The following SLC2A2 variants were observed in gnomAD, a reference collection of about 807,000 sequenced individuals.
The protein encoded by SLC2A2 is solute carrier family 2 member 2, also known as solute carrier family 2, facilitated glucose transporter member 2.
In SLC2A2, 36 loss-of-function variants were observed where a neutral mutation model predicts 54.5. The observed-to-expected ratio is 0.66, with a 90% CI of 0.51 to 0.87. The LOEUF (loss-of-function observed/expected upper bound fraction) is 0.87, where lower values mean the gene tolerates loss of function less well. Ranked by LOEUF, SLC2A2 falls within the 40% of genes least tolerant of loss-of-function variation. The pLI, the probability that SLC2A2 is intolerant of heterozygous loss-of-function variation, is 0.00. For missense variants in SLC2A2, 543 were observed against 624.3 expected (o/e 0.87, Z 1.39); for synonymous variants, 223 against 219.1 (o/e 1.02, Z -0.16).
At chr3:171,001,841 C>T (rs1715347475) in intron 8 of SLC2A2, among the ~76,000 whole-genome samples, 1 of 151,168 alleles carries the variant, frequency 6.6e-6, no homozygotes, top group African/African-American at 2.4e-5. Flanking sequence ...TATATAAGAA[C>T]CATCACTTCT....
At chr3:171,002,039 G>A (rs1321403013) in intron 8 of SLC2A2, among the ~76,000 whole-genome samples, 1 of 151,872 alleles carries the variant, frequency 6.6e-6, no homozygotes, top group Non-Finnish European at 1.5e-5. Flanking sequence ...CTACTTGGAA[G>A]CTCTGCTCAA....
At chr3:171,013,583 A>G (rs1424733479) in intron 3 of SLC2A2, among the ~76,000 whole-genome samples, 1 of 152,178 alleles carries the variant, frequency 6.6e-6, no homozygotes, top group Non-Finnish European at 1.5e-5. Context: ...TATAATAGGA[A>G]TTGAAAAACT....
intron 8 of SLC2A2, 147 bp downstream of exon 8, chr3:171,002,429 G>A: frequency 1.5e-6 from 1 of 681,852 alleles, no homozygotes. Flanking sequence ...ATTCAAACAG[G>A]ACTCTTCTCA....
intron 4 of SLC2A2, among the ~76,000 whole-genome samples, chr3:171,008,987 G>A (rs911300632): frequency 2.6e-5 from 4 of 151,998 alleles, no homozygotes; most frequent in African/African-American, 7.2e-5. Flanking sequence ...TTTTCTGTAG[G>A]TAAAAGTGTT....
chr3:171,014,641 G>C lies in SLC2A2; in HGVS notation c.199C>G (p.Leu67Val), dbSNP rs1716046696. The change falls in exon 3 of 11, where the codon CTG (leucine) becomes GTG (valine). Residue 67 changes from leucine to valine, a missense_variant. Leu to Val is a conservative substitution (Grantham distance 32, BLOSUM62 1). This residue lies in a region of SLC2A2 where 318 missense variants were observed against 343.8 expected (regional missense o/e 0.93). Transcript: ENST00000314251. The part of the protein sequence containing the change: ...NNYVINSTDE[L>V]PTISYSMNPK... Reference sequence around the variant, plus strand: ...TTCATTGAGTATGAGATTGTGGGCAGTTCATCTGTACTGTTGATAACATAG... The same window carrying C: ...TTCATTGAGTATGAGATTGTGGGCACTTCATCTGTACTGTTGATAACATAG... 1 of 1,613,930 alleles carries C rather than the reference G, an allele frequency of 6.2e-7. No individual in the cohort carries two copies. Among genetic ancestry groups the C allele is most frequent in the Non-Finnish European group, 8.5e-7 (1 of 1,179,932 alleles).
intron 2 of SLC2A2, 54 bp downstream of exon 2, chr3:171,018,477 T>C (rs1271975626): frequency 8.4e-7 from 1 of 1,185,902 alleles, no homozygotes; most frequent in East Asian, 2.3e-5. Flanking sequence ...GAACATATGA[T>C]ATCTATCACT....
intron 1 of SLC2A2, 120 bp from the exon 2 acceptor site, chr3:171,018,743 C>T (rs866389319): frequency 1.2e-5 from 9 of 722,674 alleles, no homozygotes; most frequent in African/African-American, 3.5e-5. Context: ...CCCTCAATAT[C>T]GATTTGCAGT....
chr3:171,016,105 G>T (rs891780637), intron 2 of SLC2A2, among the ~76,000 whole-genome samples: 1 of 152,120 alleles, frequency 6.6e-6, no homozygotes, highest in Non-Finnish European at 1.5e-5. Context: ...GGGAGGGGAA[G>T]AATTGAGCAT....
At chr3:171,011,920 T>A (rs987713628) in intron 3 of SLC2A2, among the ~76,000 whole-genome samples, 6 of 152,166 alleles carry the variant, frequency 3.9e-5, no homozygotes, top group Non-Finnish European at 8.8e-5. Flanking sequence ...AGGAACACTT[T>A]ATGTAATTTA....
intron 2 of SLC2A2, among the ~76,000 whole-genome samples, chr3:171,015,709 C>G (rs1716120412): frequency 1.3e-5 from 2 of 152,036 alleles, no homozygotes; most frequent in Admixed American, 6.6e-5. Context: ...AACTTCCTAG[C>G]CACCAGGGCA....
chr3:171,006,538 C>T (rs1377424894), intron 5 of SLC2A2, among the ~76,000 whole-genome samples: 2 of 151,960 alleles, frequency 1.3e-5, no homozygotes, highest in Admixed American at 6.6e-5. Context: ...TCTTATATTA[C>T]CCAGAACTTA....
At chr3:171,025,643 G>C (rs1486916340) in intron 1 of SLC2A2, among the ~76,000 whole-genome samples, 1 of 152,108 alleles carries the variant, frequency 6.6e-6, no homozygotes, top group African/African-American at 2.4e-5. Context: ...ATCCAAGTCT[G>C]GCTGACTCCA....
intron 7 of SLC2A2, among the ~76,000 whole-genome samples, chr3:171,003,924 A>G (rs1432779875): frequency 6.6e-6 from 1 of 152,052 alleles, no homozygotes; most frequent in Non-Finnish European, 1.5e-5. Flanking sequence ...AATCCAGAAA[A>G]TTTCACTAGT....
At position 171,002,629 on chromosome 3, in the gene SLC2A2, C is replaced by T. The variant is rs1715392943; in HGVS notation, c.1015G>A (p.Val339Ile). ...GCGCCAACTCCAATGGTTGCATAAA[C>T]AGGTTTGCTGATACCAGCCGTCTGA... ...IFQTAGISKP[V>I]YATIGVGAVN... The change falls in exon 8 of 11, where the codon GTT (valine) becomes ATT (isoleucine). Residue 339 changes from valine to isoleucine, a missense_variant. Physicochemically the swap from Val to Ile is conservative, Grantham distance 29 (BLOSUM62 3). This residue lies in a region of SLC2A2 where 117 missense variants were observed against 179.2 expected (regional missense o/e 0.65). Transcript: ENST00000314251. 6.2e-7 allele frequency: 1 copy of T among 1,611,070 alleles called. No individual in the cohort carries two copies. The highest frequency in any genetic ancestry group is 8.5e-7 in the Non-Finnish European group (1 of 1,178,360).
chr3:171,007,045 G>A, intron 5 of SLC2A2, 103 bp downstream of exon 5: 1 of 752,574 alleles, frequency 1.3e-6, no homozygotes, highest in Non-Finnish European at 2.4e-6. Flanking sequence ...GGGACGAGAT[G>A]GATGAAGTGG....
rs1715138945 is a variant in SLC2A2 at position 170,997,575 on chromosome 3, G to C, written c.*328C>G. 1 of 248,076 alleles carries C rather than the reference G, an allele frequency of 4.0e-6. No homozygotes were observed. The highest frequency in any genetic ancestry group is 2.3e-5 in the African/African-American group (1 of 43,190). The allele number at this position is 248,076 out of a possible 1,614,324, so 15.4% of individuals were successfully genotyped here. The stretch of plus-strand genomic sequence containing the variant: ...TGCATCCTCAGGTTTCTAGTTATGT[G>C]TTAAAAAAATGATATGTTGAAATCT... On this transcript the variant is annotated 3_prime_UTR_variant, in exon 11 of 11. Transcript: ENST00000314251.
At chr3:171,024,121 C>A (rs1459736562) in intron 1 of SLC2A2, among the ~76,000 whole-genome samples, 2 of 152,126 alleles carry the variant, frequency 1.3e-5, no homozygotes, top group African/African-American at 4.8e-5. Context: ...GCCTAAGTTT[C>A]TTTGCCTATA....
chr3:171,025,765 C>T (rs1716659050), intron 1 of SLC2A2, among the ~76,000 whole-genome samples: 1 of 152,088 alleles, frequency 6.6e-6, no homozygotes, highest in Non-Finnish European at 1.5e-5. Context: ...GATTGATCAA[C>T]TTATATGATT....
chr3:171,019,248 C>T (rs765920819), intron 1 of SLC2A2, among the ~76,000 whole-genome samples: 12 of 150,602 alleles, frequency 8.0e-5, no homozygotes, highest in Admixed American at 1.3e-4. Flanking sequence ...TCATTGGGAG[C>T]GGTAAAATAA....
Sources: allele counts gnomAD v4.1 joint callset (sites outside exome capture counted in the v4.1 genomes callset), GRCh38; gene constraint gnomAD v4.1.1; regional missense constraint gnomAD v4.1.1; transcripts MANE v1.5; gene names NCBI Gene and HGNC (gene_info 2026-07-23, HGNC 2026-07-21).